The following LMNTD1 variants were observed in gnomAD, a reference collection of about 807,000 sequenced individuals.
LMNTD1 encodes the protein lamin tail domain containing 1.
Under a neutral mutation model 50.9 loss-of-function variants are expected in LMNTD1, and 35 were observed. The observed-to-expected ratio is 0.69, with a 90% CI of 0.53 to 0.91. LMNTD1 has a LOEUF of 0.91. LMNTD1 is among the 40% of genes least tolerant of loss of function. The pLI is 0.00. For missense variants in LMNTD1, 470 were observed against 475.5 expected, an observed-to-expected ratio of 0.99 and a Z score of 0.11; for synonymous variants, 153 against 161.9, an observed-to-expected ratio of 0.94 and a Z score of 0.42.
At position 25,552,979 on chromosome 12, in the gene LMNTD1, T is replaced by C. The variant is rs1943862231; in HGVS notation, c.-20A>G. The stretch of plus-strand genomic sequence containing the variant: ...TTTCATCTTGGCTAGAAAAGAAGTC[T>C]CTTTTCTTTCCTAGGAAAGCAGATC... On this transcript the variant is annotated 5_prime_UTR_variant, in exon 2 of 10. Coordinates refer to ENST00000458174, the MANE Select transcript of LMNTD1 (RefSeq NM_001145728.2). The C allele has an allele frequency of 2.5e-6, 4 of 1,607,464 alleles. No individual in the cohort carries two copies. In the African/African-American group the frequency reaches 4.0e-5, roughly 16 times the overall value.
intron 1 of LMNTD1, among the ~76,000 whole-genome samples, chr12:25,620,089 G>A (rs1315291626): frequency 6.6e-6 from 1 of 152,156 alleles, no homozygotes. Context: ...AAATTTGAGT[G>A]TACTACACTA....
At chr12:25,621,073 C>A (rs1387235911) in intron 1 of LMNTD1, among the ~76,000 whole-genome samples, 1 of 152,186 alleles carries the variant, frequency 6.6e-6, no homozygotes, top group South Asian at 2.1e-4. Context: ...CATCTCTATT[C>A]ATTAGCTGTT....
At chr12:25,506,972 C>T (rs1433724713) in intron 8 of LMNTD1, among the ~76,000 whole-genome samples, 2 of 152,014 alleles carry the variant, frequency 1.3e-5, no homozygotes, top group Non-Finnish European at 2.9e-5. Flanking sequence ...CTCCACCTCC[C>T]GGGTTCAAGC....
chr12:25,477,383 G>T (rs1299879464), intron 9 of LMNTD1, among the ~76,000 whole-genome samples: 1 of 152,106 alleles, frequency 6.6e-6, no homozygotes. Flanking sequence ...CATTGTTCTA[G>T]TGGGGATTGG....
Position 25,636,246 on chromosome 12 carries a change from A to G in LMNTD1, c.58+12248T>C, listed in dbSNP as rs932037489. Among the ~76,000 whole-genome samples, 3 of 152,266 alleles carry G rather than the reference A, an allele frequency of 2.0e-5. 1 individual carries two copies. In the East Asian group the frequency reaches 5.8e-4, roughly 29 times the overall value. ...GCACAATGTATACATCTGACAAAGGACTAATATCAAGAATCTACAATGAAC... is the reference window on the plus strand; with the variant it reads ...GCACAATGTATACATCTGACAAAGGGCTAATATCAAGAATCTACAATGAAC... On this transcript the variant is annotated intron_variant, in intron 1 of 7. Transcript: ENST00000445693.
chr12:25,511,361 G>A (rs1705406), intron 8 of LMNTD1, among the ~76,000 whole-genome samples: 99,771 of 151,916 alleles, frequency 0.66, 33,190 homozygotes, highest in Non-Finnish European at 0.71. Flanking sequence ...GAGAAAGACC[G>A]TTAGGATACC....
At chr12:25,584,808 C>T (rs1945450822) in intron 1 of LMNTD1, among the ~76,000 whole-genome samples, 2 of 151,616 alleles carry the variant, frequency 1.3e-5, no homozygotes, top group Admixed American at 1.3e-4. Flanking sequence ...AAATTTTCAT[C>T]ATAGACTGGG....
intron 8 of LMNTD1, among the ~76,000 whole-genome samples, chr12:25,506,679 C>T (rs1939809407): frequency 6.6e-6 from 1 of 150,920 alleles, no homozygotes; most frequent in Admixed American, 6.6e-5. Flanking sequence ...GTGCTGTACT[C>T]AGGGCCTTGC....
chr12:25,486,411 C>T (rs202015470), intron 9 of LMNTD1, among the ~76,000 whole-genome samples: 17 of 151,744 alleles, frequency 1.1e-4, no homozygotes, highest in African/African-American at 2.4e-4. Context: ...TGGGCTGAGA[C>T]GATGGGGTTT....
At chr12:25,532,449 T>G (rs1942291430) in intron 4 of LMNTD1, among the ~76,000 whole-genome samples, 1 of 152,176 alleles carries the variant, frequency 6.6e-6, no homozygotes, top group Non-Finnish European at 1.5e-5. Context: ...CACCCAGTCA[T>G]ACGAATCTTG....
At chr12:25,614,264 C>T (rs905966188) in intron 1 of LMNTD1, among the ~76,000 whole-genome samples, 6 of 152,018 alleles carry the variant, frequency 3.9e-5, no homozygotes, top group Non-Finnish European at 8.8e-5. Flanking sequence ...TCTTCTGCTT[C>T]ATTTCCAACT....
chr12:25,629,031 A>C (rs1205370528), intron 1 of LMNTD1, among the ~76,000 whole-genome samples: 1 of 152,248 alleles, frequency 6.6e-6, no homozygotes, highest in Non-Finnish European at 1.5e-5. Context: ...AAATTGTAAA[A>C]ACAACAACCA....
At chr12:25,643,229 G>T (rs1245469561) in intron 1 of LMNTD1, among the ~76,000 whole-genome samples, 2 of 152,092 alleles carry the variant, frequency 1.3e-5, no homozygotes, top group Non-Finnish European at 2.9e-5. Flanking sequence ...GATGAGCAGG[G>T]GAAGCCTTTC....
chr12:25,546,500 T>A lies in LMNTD1; in HGVS notation c.365A>T (p.Asp122Val), dbSNP rs1943442239. 1 of 1,592,042 alleles carries A rather than the reference T, an allele frequency of 6.3e-7. No homozygotes were observed. Among genetic ancestry groups the A allele is most frequent in the Non-Finnish European group, 8.6e-7 (1 of 1,167,486 alleles). ...CAAAGAAAGGAAATAATCTTCTCCA[T>A]CCCCAATCATGGGTGATTCATCCTG... The part of the protein sequence containing the change: ...KKQDESPMIG[D>V]GEDYFLSLFG... The change falls in exon 4 of 10, where the codon GAT (aspartate) becomes GTT (valine). Residue 122 changes from aspartate to valine, a missense_variant. Coordinates refer to ENST00000458174, the MANE Select transcript of LMNTD1 (RefSeq NM_001145728.2).
chr12:25,564,541 AC>A (rs1944473753), intron 1 of LMNTD1, among the ~76,000 whole-genome samples: 1 of 152,224 alleles, frequency 6.6e-6, no homozygotes, highest in African/African-American at 2.4e-5. Flanking sequence ...ACAGGCATGA[AC>A]CACCATGCCC....
chr12:25,487,053 A>C (rs11502714), intron 9 of LMNTD1, among the ~76,000 whole-genome samples: 27,081 of 149,458 alleles, frequency 0.18, 2,539 homozygotes, highest in Middle Eastern at 0.24. Flanking sequence ...TTTACTTCCA[A>C]GTATGTGGTC....
intron 6 of LMNTD1, among the ~76,000 whole-genome samples, chr12:25,522,967 A>G (rs1019556823): frequency 6.6e-6 from 1 of 152,238 alleles, no homozygotes; most frequent in Non-Finnish European, 1.5e-5. Flanking sequence ...TGTTAGTGAC[A>G]AGATGACTCA....
chr12:25,553,384 C>T (rs994599280), upstream of LMNTD1: 2 of 558,890 alleles, frequency 3.6e-6, no homozygotes, highest in Non-Finnish European at 5.4e-6. Flanking sequence ...TGATGCTGTA[C>T]CTTCTTTGCA....
At chr12:25,496,716 A>T (rs1939084166) in intron 9 of LMNTD1, among the ~76,000 whole-genome samples, 1 of 152,182 alleles carries the variant, frequency 6.6e-6, no homozygotes, top group Non-Finnish European at 1.5e-5. Flanking sequence ...ATTTTATTAG[A>T]AGTACTTTGT....
Sources: allele counts gnomAD v4.1 joint callset (sites outside exome capture counted in the v4.1 genomes callset), GRCh38; gene constraint gnomAD v4.1.1; transcripts MANE v1.5; gene names NCBI Gene and HGNC (gene_info 2026-07-23, HGNC 2026-07-21).